GRAMD1B: variants seen among roughly 807,000 people sequenced by gnomAD.
The protein encoded by GRAMD1B is GRAM domain containing 1B.
In GRAMD1B, 37 loss-of-function variants were observed where a neutral mutation model predicts 99.7. The observed-to-expected ratio is 0.37, with a 90% CI of 0.29 to 0.49. The LOEUF (loss-of-function observed/expected upper bound fraction) is 0.49. Ranked by LOEUF, GRAMD1B falls within the 20% of genes least tolerant of loss-of-function variation. GRAMD1B has a pLI of 0.98. For synonymous variants in GRAMD1B, 427 were observed against 387.6 expected (o/e 1.10, Z -1.19); for missense variants, 888 against 1,009.2 (o/e 0.88, Z 1.63).
intron 1 of GRAMD1B, among the ~76,000 whole-genome samples, chr11:123,448,761 A>G (rs767351811): frequency 1.3e-5 from 2 of 152,188 alleles, no homozygotes; most frequent in Non-Finnish European, 2.9e-5. Flanking sequence ...GGGGCTTGGT[A>G]CTTTTTGTTT....
chr11:123,458,843 C>T (rs1950279552), intron 1 of GRAMD1B: 1 of 152,132 alleles, frequency 6.6e-6, no homozygotes, highest in Non-Finnish European at 1.5e-5. Context: ...AATTTCAAGT[C>T]TGCAAATGGG....
chr11:123,532,641 G>A (rs1943518304), intron 2 of GRAMD1B, among the ~76,000 whole-genome samples: 1 of 152,190 alleles, frequency 6.6e-6, no homozygotes, highest in African/African-American at 2.4e-5. Flanking sequence ...ACACACCATA[G>A]CCAACAGGCC....
chr11:123,416,792 T>A (rs1425304939), intron 1 of GRAMD1B, among the ~76,000 whole-genome samples: 1 of 152,246 alleles, frequency 6.6e-6, no homozygotes, highest in African/African-American at 2.4e-5. Context: ...ATGGACTTTT[T>A]TTTTAGCATG....
intron 1 of GRAMD1B, among the ~76,000 whole-genome samples, chr11:123,359,453 G>T (rs1359608490): frequency 1.3e-5 from 2 of 152,068 alleles, no homozygotes; most frequent in African/African-American, 4.8e-5. Context: ...GAAGGAATGA[G>T]AAGGTGTGGT....
rs566613955 is a variant in GRAMD1B, at chr11:123,480,962, G to GA, written c.452+70dup. 8.3e-4 allele frequency: 329 copies of GA among 398,608 alleles called. 1 individual carries two copies. Among genetic ancestry groups the GA allele is most frequent in the African/African-American group, 6.4e-3 (313 of 48,696 alleles). 24.7% of individuals were successfully genotyped at this position (398,608 alleles called of 1,614,324 possible). Reference sequence around the variant, plus strand: ...GGGGTGGGGTGGAATGTTTGAGGAAGATTGTGCCTCTGCTCTGTGCAAAAA... The same window carrying GA: ...GGGGTGGGGTGGAATGTTTGAGGAAGAATTGTGCCTCTGCTCTGTGCAAAAA... On this transcript the variant is annotated intron_variant, in intron 2 of 19. Transcript: ENST00000635736.
At chr11:123,516,244 A>C (rs770167030) in intron 2 of GRAMD1B, among the ~76,000 whole-genome samples, 35 of 152,302 alleles carry the variant, frequency 2.3e-4, no homozygotes, top group Middle Eastern at 3.4e-3. Flanking sequence ...TGGTCACAAA[A>C]TGGATGGAAG....
At chr11:123,450,346 G>C (rs1949830624) in intron 1 of GRAMD1B, among the ~76,000 whole-genome samples, 1 of 152,116 alleles carries the variant, frequency 6.6e-6, no homozygotes, top group Non-Finnish European at 1.5e-5. Context: ...GAGGATTTTG[G>C]AATATATGCA....
At chr11:123,360,756 C>T (rs1411907767) in intron 1 of GRAMD1B, among the ~76,000 whole-genome samples, 8 of 144,406 alleles carry the variant, frequency 5.5e-5, no homozygotes, top group Non-Finnish European at 1.1e-4. Flanking sequence ...TCTTTCCTTC[C>T]TTCCTTCCTT....
At chr11:123,529,873 C>T (rs1943174356) in intron 2 of GRAMD1B, among the ~76,000 whole-genome samples, 1 of 152,120 alleles carries the variant, frequency 6.6e-6, no homozygotes, top group African/African-American at 2.4e-5. Context: ...AATTCCCTGT[C>T]CTCGTGTTCC....
chr11:123,526,081 T>C, intron 2 of GRAMD1B: 1 of 1,367,690 alleles, frequency 7.3e-7, no homozygotes, highest in East Asian at 2.3e-5. Context: ...TTCCAATATG[T>C]CCTGGGACCT....
chr11:123,617,933 G>A (rs1458722627), intron 17 of GRAMD1B, among the ~76,000 whole-genome samples: 1 of 152,142 alleles, frequency 6.6e-6, no homozygotes, highest in African/African-American at 2.4e-5. Flanking sequence ...CAGACTCTGG[G>A]AAACCTCAGC....
At chr11:123,526,100 G>A (rs1942699924) in intron 2 of GRAMD1B, 4 of 1,570,968 alleles carry the variant, frequency 2.5e-6, no homozygotes, top group Admixed American at 3.3e-5. Context: ...CTCCGGAGCT[G>A]TAACGGGGAT....
intron 7 of GRAMD1B, chr11:123,598,287 G>A: frequency 7.8e-7 from 1 of 1,280,250 alleles, no homozygotes; most frequent in Non-Finnish European, 1.1e-6. Flanking sequence ...GAATGGGTTT[G>A]CCAAGTGGCC....
At chr11:123,555,218 G>A (rs932247971) in intron 2 of GRAMD1B, among the ~76,000 whole-genome samples, 13 of 152,226 alleles carry the variant, frequency 8.5e-5, no homozygotes, top group African/African-American at 3.1e-4. Flanking sequence ...TGGATACGTA[G>A]CCTGAGTAGG....
At chr11:123,535,150 C>T (rs146714616) in intron 2 of GRAMD1B, among the ~76,000 whole-genome samples, 4 of 152,078 alleles carry the variant, frequency 2.6e-5, no homozygotes, top group East Asian at 1.9e-4. Flanking sequence ...GTGGGCAGGA[C>T]GCTTGGGGCT....
At chr11:123,424,009 C>A (rs1298142354) in intron 1 of GRAMD1B, among the ~76,000 whole-genome samples, 4 of 152,108 alleles carry the variant, frequency 2.6e-5, no homozygotes, top group Non-Finnish European at 5.9e-5. Flanking sequence ...GAGGTTCCTC[C>A]TTTTCCTTGC....
upstream of GRAMD1B, among the ~76,000 whole-genome samples, chr11:123,427,895 T>C (rs1948709261): frequency 6.6e-6 from 1 of 152,226 alleles, no homozygotes; most frequent in Non-Finnish European, 1.5e-5. Flanking sequence ...CAGAATCTAC[T>C]GTGAGTGGGA....
chr11:123,622,166 G>A (rs915708884), intron 19 of GRAMD1B, among the ~76,000 whole-genome samples: 7 of 151,966 alleles, frequency 4.6e-5, no homozygotes, highest in African/African-American at 1.7e-4. Context: ...GACTACAGGT[G>A]CATATCACAA....
chr11:123,622,823 A>T lies in GRAMD1B; in HGVS notation c.*228A>T, dbSNP rs1383007679. The T allele has an allele frequency of 1.2e-5, 2 of 167,168 alleles. No homozygotes were observed. The highest frequency in any genetic ancestry group is 2.5e-5 in the Non-Finnish European group (2 of 79,202). 10.4% of individuals were successfully genotyped at this position (167,168 alleles called of 1,614,324 possible). A position where few individuals can be genotyped will look rare whatever the true frequency, so the allele number is the denominator to read the frequency against. On this transcript the variant is annotated 3_prime_UTR_variant, in exon 20 of 20. Transcript: ENST00000635736. ...TGGTGGAGCAGCTGAGGAGGGCAGG[A>T]ACCGCCTCTCAGCACCGACCTCCCC...
Sources: gnomAD v4.1 joint callset for allele counts (sites outside exome capture counted in the v4.1 genomes callset) on GRCh38, gnomAD v4.1.1 for gene constraint, MANE v1.5 for transcripts, NCBI Gene and HGNC (gene_info 2026-07-23, HGNC 2026-07-21) for gene names.